ATP8A2: variants seen among roughly 807,000 people sequenced by gnomAD.
The protein encoded by ATP8A2 is ATPase phospholipid transporting 8A2.
Under a neutral mutation model 165.6 loss-of-function variants are expected in ATP8A2, and 100 were observed. The observed-to-expected ratio is 0.60, with a 90% CI of 0.51 to 0.71. The LOEUF (loss-of-function observed/expected upper bound fraction) is 0.71. Ranked by LOEUF, ATP8A2 falls within the 30% of genes least tolerant of loss-of-function variation. The pLI is 0.00. For missense variants in ATP8A2, 1,227 were observed against 1,479.5 expected (o/e 0.83, Z 2.80); for synonymous variants, 543 against 548.8 (o/e 0.99, Z 0.15).
chr13:25,834,543 A>G (rs929744758), intron 28 of ATP8A2, among the ~76,000 whole-genome samples: 1 of 152,276 alleles, frequency 6.6e-6, no homozygotes, highest in South Asian at 2.1e-4. Flanking sequence ...TGGCACATCC[A>G]TACTATGAAT....
chr13:25,912,425 G>C (rs1012367365), intron 33 of ATP8A2, among the ~76,000 whole-genome samples: 1 of 152,150 alleles, frequency 6.6e-6, no homozygotes, highest in Non-Finnish European at 1.5e-5. Flanking sequence ...AGAGGGTACA[G>C]AGCCTCAGTG....
intron 1 of ATP8A2, among the ~76,000 whole-genome samples, chr13:25,388,174 G>A (rs1018401360): frequency 5.3e-5 from 8 of 152,104 alleles, no homozygotes; most frequent in East Asian, 3.9e-4. Context: ...AAGAAAGGAA[G>A]GGAGGGAAGG....
chr13:25,872,004 C>T (rs1212702405), intron 33 of ATP8A2, among the ~76,000 whole-genome samples: 1 of 152,086 alleles, frequency 6.6e-6, no homozygotes, highest in African/African-American at 2.4e-5. Context: ...ATGCAGGGTA[C>T]AGTGACATCT....
intron 24 of ATP8A2, among the ~76,000 whole-genome samples, chr13:25,647,901 C>A (rs2041716234): frequency 6.6e-6 from 1 of 151,962 alleles, no homozygotes; most frequent in African/African-American, 2.4e-5. Flanking sequence ...GTTGGCCAGG[C>A]TGGTCTCAAA....
chr13:25,467,465 G>A (rs2035699793), intron 1 of ATP8A2, among the ~76,000 whole-genome samples: 1 of 152,156 alleles, frequency 6.6e-6, no homozygotes, highest in Admixed American at 6.5e-5. Flanking sequence ...AGATGATGTA[G>A]CGAAAACTTT....
intron 24 of ATP8A2, among the ~76,000 whole-genome samples, chr13:25,615,501 C>A (rs2040800601): frequency 1.3e-5 from 2 of 152,172 alleles, no homozygotes; most frequent in Admixed American, 1.3e-4. Context: ...TTCACACTTC[C>A]CCATCTGCCA....
chr13:25,893,206 C>T (rs1477238392), intron 33 of ATP8A2, among the ~76,000 whole-genome samples: 1 of 119,786 alleles, frequency 8.3e-6, no homozygotes, highest in Admixed American at 8.9e-5. Flanking sequence ...CCCCCTCCCC[C>T]CACCCCACAA....
At position 25,503,165 on chromosome 13, in the gene ATP8A2, T is replaced by A. The variant is rs139129125; in HGVS notation, c.222-26834T>A. Among the ~76,000 whole-genome samples the A allele has an allele frequency of 1.6e-4, 24 of 152,288 alleles. No homozygotes were observed. In the East Asian group the frequency reaches 4.6e-3, roughly 30 times the overall value. On this transcript the variant is annotated intron_variant, in intron 2 of 36. Coordinates refer to ENST00000381655, the MANE Select transcript of ATP8A2 (RefSeq NM_016529.6). ...CCTGGCTTCACTCCTCACCCCTCAC[T>A]GTATAGTTCAAACAGGGACTTACGC...
intron 33 of ATP8A2, among the ~76,000 whole-genome samples, chr13:25,943,381 A>G (rs1955124927): frequency 6.6e-6 from 1 of 152,144 alleles, no homozygotes; most frequent in Non-Finnish European, 1.5e-5. Flanking sequence ...GTCCCCTAAG[A>G]TGATAATGCC....
chr13:25,492,292 G>A (rs867235111), intron 2 of ATP8A2, among the ~76,000 whole-genome samples: 11 of 152,304 alleles, frequency 7.2e-5, no homozygotes, highest in Middle Eastern at 3.4e-3. Flanking sequence ...CTGACTTCAG[G>A]TGATCCACCC....
chr13:25,863,926 A>G lies in ATP8A2; in HGVS notation c.3183+1518A>G, dbSNP rs546826456. On this transcript the variant is annotated intron_variant, in intron 33 of 36. Transcript: ENST00000381655. ...CAGTAGAGGAAATTAGAGGGCGTTC[A>G]GTGAACCCAGAAGATTGTTGTGTAG... Among the ~76,000 whole-genome samples the G allele has an allele frequency of 3.3e-5, 5 of 152,358 alleles. No individual in the cohort carries two copies. The South Asian group carries it at 1.0e-3, about 32-fold the overall frequency.
At chr13:25,468,408 C>A (rs1223761140) in intron 1 of ATP8A2, among the ~76,000 whole-genome samples, 1 of 152,162 alleles carries the variant, frequency 6.6e-6, no homozygotes, top group Non-Finnish European at 1.5e-5. Flanking sequence ...ACCCTGGGGT[C>A]TCCGAAGCCC....
At chr13:25,650,339 C>G (rs2137624838) in intron 24 of ATP8A2, among the ~76,000 whole-genome samples, 1 of 152,218 alleles carries the variant, frequency 6.6e-6, no homozygotes, top group Non-Finnish European at 1.5e-5. Flanking sequence ...ACCTCCTATC[C>G]CACCATCTTG....
intron 29 of ATP8A2, 136 bp from the exon 30 acceptor site, chr13:25,839,405 TTCAAA>T: frequency 3.2e-6 from 2 of 629,288 alleles, no homozygotes; most frequent in Admixed American, 2.8e-5. Flanking sequence ...TTTTTTTTTT[TTCAAA>T]TTCAAGAATA....
chr13:25,424,693 C>T (rs1046557938), intron 1 of ATP8A2, among the ~76,000 whole-genome samples: 4 of 152,172 alleles, frequency 2.6e-5, no homozygotes, highest in African/African-American at 4.8e-5. Flanking sequence ...CGCGGTGGCT[C>T]ATGCCTATAA....
intron 29 of ATP8A2, 117 bp downstream of exon 29, chr13:25,837,402 C>A: frequency 1.3e-4 from 120 of 897,678 alleles, no homozygotes; most frequent in Non-Finnish European, 1.8e-4. Context: ...GTGCTGAAAA[C>A]ATGATCCACT....
chr13:25,722,989 G>A (rs539608662), intron 25 of ATP8A2, among the ~76,000 whole-genome samples: 177 of 152,288 alleles, frequency 1.2e-3, no homozygotes, highest in South Asian at 6.8e-3. Flanking sequence ...AGTTTACTCC[G>A]TGTTAATTCC....
At chr13:25,531,457 T>TTATATATATATGTTA (rs371799197) in intron 4 of ATP8A2, among the ~76,000 whole-genome samples, 2 of 31,438 alleles carry the variant, frequency 6.4e-5, no homozygotes, top group Admixed American at 2.8e-4. Flanking sequence ...ATATATATGA[T>TTATATATATATGTTA]TATATATATG....
intron 24 of ATP8A2, among the ~76,000 whole-genome samples, chr13:25,675,392 C>T (rs150459607): frequency 3.9e-5 from 6 of 152,146 alleles, no homozygotes; most frequent in Non-Finnish European, 8.8e-5. Flanking sequence ...CAAAATCAAG[C>T]CTAGTGGATA....
Sources: allele counts gnomAD v4.1 joint callset (sites outside exome capture counted in the v4.1 genomes callset), GRCh38; gene constraint gnomAD v4.1.1; transcripts MANE v1.5; gene names NCBI Gene and HGNC (gene_info 2026-07-23, HGNC 2026-07-21).